The following TENM4 variants were observed in gnomAD, a reference collection of about 807,000 sequenced individuals.
TENM4 encodes the protein teneurin transmembrane protein 4.
Under a neutral mutation model 243.3 loss-of-function variants are expected in TENM4, and 82 were observed. That is an observed-to-expected ratio of 0.34 (90% CI 0.28 to 0.40). The LOEUF (loss-of-function observed/expected upper bound fraction) is 0.40, where lower values mean the gene tolerates loss of function less well. Among genes scored for constraint, TENM4 ranks in the 10% least tolerant of loss-of-function variants. The probability of loss-of-function intolerance (pLI) is 1.00; values close to 1 mark genes in which losing one functional copy is unlikely to be tolerated. For missense variants in TENM4, 3,138 were observed against 3,673.3 expected, an observed-to-expected ratio of 0.85 and a Z score of 3.77; for synonymous variants, 1,412 against 1,456.3, an observed-to-expected ratio of 0.97 and a Z score of 0.69.
Position 78,658,681 on chromosome 11 carries a change from C to T in TENM4, c.7687G>A (p.Gly2563Ser), listed in dbSNP as rs199594129. Reference sequence around the variant, plus strand: ...TTGACCCCCTTGCCAAAGACTGAGCCGCTGGATGCAAACTTCTTGGTCTTT... The same window carrying T: ...TTGACCCCCTTGCCAAAGACTGAGCTGCTGGATGCAAACTTCTTGGTCTTT... ...APKTKKFASS[G>S]SVFGKGVKFA... Residue 2563 changes from glycine to serine, a missense_variant, in exon 34 of 34, where the codon GGC (glycine) becomes AGC (serine). Coordinates refer to ENST00000278550, the MANE Select transcript of TENM4 (RefSeq NM_001098816.3). The T allele has an allele frequency of 2.1e-4, 340 of 1,614,006 alleles. No individual in the cohort carries two copies. Among genetic ancestry groups the T allele is most frequent in the Non-Finnish European group, 2.6e-4 (304 of 1,179,900 alleles).
chr11:79,028,992 A>G (rs1169942340), intron 6 of TENM4, among the ~76,000 whole-genome samples: 1 of 152,208 alleles, frequency 6.6e-6, no homozygotes, highest in South Asian at 2.1e-4. Flanking sequence ...GAAATTGGCC[A>G]TAAGTGGTCA....
At chr11:78,908,350 G>A (rs891498679) in intron 6 of TENM4, among the ~76,000 whole-genome samples, 6 of 152,188 alleles carry the variant, frequency 3.9e-5, no homozygotes, top group African/African-American at 7.2e-5. Context: ...TAATGTATGT[G>A]AGTACTTAGC....
chr11:79,264,131 CT>C (rs1435958769), intron 2 of TENM4, among the ~76,000 whole-genome samples: 2 of 152,138 alleles, frequency 1.3e-5, no homozygotes, highest in African/African-American at 4.8e-5. Flanking sequence ...GACCATTGCT[CT>C]TACTTATCAG....
At chr11:78,940,163 G>T (rs1198284243) in intron 6 of TENM4, among the ~76,000 whole-genome samples, 2 of 151,910 alleles carry the variant, frequency 1.3e-5, no homozygotes, top group East Asian at 1.9e-4. Context: ...ATCAAATTAG[G>T]TTCATACTGT....
Position 78,913,580 on chromosome 11 carries a change from GGTATGTGT to G in TENM4, c.494-10065_494-10058del, listed in dbSNP as rs1194714391. Among the ~76,000 whole-genome samples the G allele has an allele frequency of 1.8e-3, 224 of 126,460 alleles. 1 individual carries two copies. The highest frequency in any genetic ancestry group is 6.0e-3 in the African/African-American group (205 of 33,898). 83.0% of individuals were successfully genotyped at this position (126,460 alleles called of 152,430 possible). On this transcript the variant is annotated intron_variant, in intron 6 of 33. Transcript: ENST00000278550. ...AAGGAACCATAGTTGATGGGTAAGA[GGTATGTGT>G]GTGTGTGTGTGTGTGTGTGTGTGTG... is the stretch of plus-strand genomic sequence containing the variant.
At chr11:78,994,363 G>C (rs1259936735) in intron 6 of TENM4, among the ~76,000 whole-genome samples, 1 of 152,194 alleles carries the variant, frequency 6.6e-6, no homozygotes, top group Admixed American at 6.5e-5. Context: ...CCTCAATGCA[G>C]ATTTCTGTAG....
rs548888133 is a variant in TENM4 at position 79,138,919 on chromosome 11, T to C, written c.-66+9791A>G. Among the ~76,000 whole-genome samples, 592 of 63,826 alleles carry C rather than the reference T, an allele frequency of 9.3e-3. 20 individuals carry two copies. The highest frequency in any genetic ancestry group is 0.055 in the East Asian group (193 of 3,508). 41.9% of individuals were successfully genotyped at this position (63,826 alleles called of 152,430 possible). A position where few individuals can be genotyped will look rare whatever the true frequency, so the allele number is the denominator to read the frequency against. ...ATATTATATTTCTATAAATATATAT[T>C]ACATTTCCATAAATATATAAAATAT... On this transcript the variant is annotated intron_variant, in intron 4 of 33. Transcript: ENST00000278550.
chr11:79,286,714 C>A (rs935321717), intron 2 of TENM4, among the ~76,000 whole-genome samples: 3 of 151,934 alleles, frequency 2.0e-5, no homozygotes, highest in Non-Finnish European at 4.4e-5. Flanking sequence ...TAACACAAAC[C>A]TTTAGGACTG....
chr11:79,374,462 G>A (rs1244075800), intron 1 of TENM4, among the ~76,000 whole-genome samples: 1 of 152,042 alleles, frequency 6.6e-6, no homozygotes, highest in Non-Finnish European at 1.5e-5. Context: ...TTAGCCCACT[G>A]AGTGAGCACA....
chr11:79,302,996 G>A (rs1358960628), intron 1 of TENM4, among the ~76,000 whole-genome samples: 1 of 152,158 alleles, frequency 6.6e-6, no homozygotes, highest in Non-Finnish European at 1.5e-5. Flanking sequence ...GGAGGGCTTA[G>A]GAACTCACTC....
In TENM4 at chr11:79,005,314, T is replaced by C. The variant is rs74815505; in HGVS notation, c.493+59424A>G. On this transcript the variant is annotated intron_variant, in intron 6 of 33. Coordinates refer to ENST00000278550, the MANE Select transcript of TENM4 (RefSeq NM_001098816.3). ...CCTGGCAGAGAAAAAGAGAAAACTT[T>C]AGGCAATATCCTTGATCAATATAGT... Among the ~76,000 whole-genome samples, 550 of 152,132 alleles carry C rather than the reference T, an allele frequency of 3.6e-3. 3 individuals are homozygous for C. Among genetic ancestry groups the C allele is most frequent in the African/African-American group, 0.012 (500 of 41,562 alleles).
At chr11:79,095,098 G>C (rs562471654) in intron 4 of TENM4, among the ~76,000 whole-genome samples, 1 of 152,134 alleles carries the variant, frequency 6.6e-6, no homozygotes, top group Non-Finnish European at 1.5e-5. Flanking sequence ...GGTGGGGAGA[G>C]GGGGGTGAAG....
chr11:79,334,864 A>T (rs1857122897), intron 1 of TENM4, among the ~76,000 whole-genome samples: 1 of 152,170 alleles, frequency 6.6e-6, no homozygotes, highest in Non-Finnish European at 1.5e-5. Context: ...ATAACACCTA[A>T]GGGAAAGAGG....
chr11:78,979,646 C>T (rs996268672), intron 6 of TENM4, among the ~76,000 whole-genome samples: 1 of 152,140 alleles, frequency 6.6e-6, no homozygotes, highest in South Asian at 2.1e-4. Context: ...CCAAGGCTCA[C>T]AGGGAGAGAA....
intron 25 of TENM4, among the ~76,000 whole-genome samples, chr11:78,718,792 T>C (rs1245874034): frequency 6.6e-6 from 1 of 152,232 alleles, no homozygotes; most frequent in African/African-American, 2.4e-5. Flanking sequence ...ATGTTTTCAA[T>C]TTCTGATGCC....
At chr11:79,400,842 A>G (rs918769330) in intron 1 of TENM4, among the ~76,000 whole-genome samples, 1 of 152,132 alleles carries the variant, frequency 6.6e-6, no homozygotes, top group Non-Finnish European at 1.5e-5. Flanking sequence ...CCATCGTTCC[A>G]CTTTAAAAGA....
At chr11:79,202,630 G>A (rs1468923569) in intron 3 of TENM4, among the ~76,000 whole-genome samples, 1 of 152,176 alleles carries the variant, frequency 6.6e-6, no homozygotes, top group Non-Finnish European at 1.5e-5. Flanking sequence ...GAACCTGCCA[G>A]GTTGGGACAG....
chr11:78,786,930 C>T lies in TENM4; in HGVS notation c.2333G>A (p.Ser778Asn). 6.2e-7 allele frequency: 1 copy of T among 1,609,012 alleles called. No individual in the cohort carries two copies. The highest frequency in any genetic ancestry group is 8.5e-7 in the Non-Finnish European group (1 of 1,178,084). ...GTCRDGKCEC[S>N]PGWNGEHCTI... is the part of the protein sequence containing the mutation. ...GCAGTGTTCGCCATTCCAGCCAGGG[C>T]TGCACTCGCACTTGCCGTCGCGGCA... The change falls in exon 16 of 34, where the codon AGC (serine) becomes AAC (asparagine). Residue 778 changes from serine (S) to asparagine (N), a missense_variant. Coordinates refer to ENST00000278550, the MANE Select transcript of TENM4 (RefSeq NM_001098816.3).
In TENM4 at chr11:78,658,631, C is replaced by T; in HGVS notation, c.7737G>A (p.Val2579=). ...GVKFALKDGR[V]TTDIISVANE... The stretch of plus-strand genomic sequence containing the variant: ...TGGCCACACTGATGATGTCTGTGGT[C>T]ACTCGGCCATCCTTCAAGGCAAACT... Residue 2579 remains valine (V), a synonymous_variant, in exon 34 of 34, where the codon GTG becomes GTA. Transcript: ENST00000278550. The T allele has an allele frequency of 1.2e-6, 2 of 1,614,062 alleles. No individual in the cohort carries two copies. Among genetic ancestry groups the T allele is most frequent in the Non-Finnish European group, 1.7e-6 (2 of 1,179,904 alleles).
Sources: allele counts gnomAD v4.1 joint callset (sites outside exome capture counted in the v4.1 genomes callset), GRCh38; gene constraint gnomAD v4.1.1; transcripts MANE v1.5; gene names NCBI Gene and HGNC (gene_info 2026-07-23, HGNC 2026-07-21).